MALRD1: variants seen among roughly 807,000 people sequenced by gnomAD.
The protein encoded by MALRD1 is MAM and LDL receptor class A domain containing 1.
A neutral mutation model predicts 242.1 loss-of-function variants in MALRD1; 247 were observed. The ratio of observed to expected loss-of-function variants is 1.02; its 90% confidence interval spans 0.92 to 1.13. The LOEUF is 1.13. MALRD1 is among the 50% of genes most tolerant of loss of function. The pLI, the probability that MALRD1 is intolerant of heterozygous loss-of-function variation, is 0.00. For synonymous variants in MALRD1, 995 were observed against 866.6 expected, an observed-to-expected ratio of 1.15 and a Z score of -2.60; for missense variants, 2,989 against 2,533.1, an observed-to-expected ratio of 1.18 and a Z score of -3.86.
At chr10:19,475,437 T>C (rs1183760445) in intron 29 of MALRD1, among the ~76,000 whole-genome samples, 1 of 152,082 alleles carries the variant, frequency 6.6e-6, no homozygotes, top group Non-Finnish European at 1.5e-5. Context: ...TAATAAACTT[T>C]CTTTAAATTT....
intron 5 of MALRD1, among the ~76,000 whole-genome samples, chr10:19,116,271 T>G (rs1293915697): frequency 6.6e-6 from 1 of 152,220 alleles, no homozygotes; most frequent in African/African-American, 2.4e-5. Flanking sequence ...AATCAGAATA[T>G]TTTGAATATT....
At chr10:19,296,552 A>G (rs1266762935) in intron 21 of MALRD1, among the ~76,000 whole-genome samples, 1 of 152,094 alleles carries the variant, frequency 6.6e-6, no homozygotes, top group Admixed American at 6.6e-5. Context: ...GGTTTTATCA[A>G]CTTTTCCTCA....
chr10:19,324,831 A>G (rs1026733332), intron 22 of MALRD1, among the ~76,000 whole-genome samples: 5 of 151,710 alleles, frequency 3.3e-5, no homozygotes, highest in Admixed American at 3.3e-4. Flanking sequence ...CTTTTTTCCT[A>G]TTATATAACC....
intron 18 of MALRD1, 69 bp from the exon 19 acceptor site, chr10:19,257,615 T>C: frequency 4.3e-6 from 5 of 1,172,292 alleles, no homozygotes; most frequent in Non-Finnish European, 6.0e-6. Context: ...TCTTCATCCA[T>C]TCCATAACTT....
rs1392893589 is a variant in MALRD1 at position 19,270,330 on chromosome 10, TCTCTCTCA to T, written c.3080-9715_3080-9708del. On this transcript the variant is annotated intron_variant, in intron 19 of 39. Coordinates refer to ENST00000454679, the MANE Select transcript of MALRD1 (RefSeq NM_001142308.3). ...TGTCTCTCTCTCTTCTCTCTCTCTC[TCTCTCTCA>T]CACACACACACACACACACACACAC... Among the ~76,000 whole-genome samples, 601 of 107,040 alleles carry T rather than the reference TCTCTCTCA, an allele frequency of 5.6e-3. 2 individuals are homozygous for T. The highest frequency in any genetic ancestry group is 0.019 in the South Asian group (54 of 2,884). 70.2% of individuals were successfully genotyped at this position (107,040 alleles called of 152,430 possible). A position where few individuals can be genotyped will look rare whatever the true frequency, so the allele number is the denominator to read the frequency against.
At chr10:19,105,899 T>G (rs1836445665) in intron 5 of MALRD1, among the ~76,000 whole-genome samples, 5 of 151,960 alleles carry the variant, frequency 3.3e-5, no homozygotes, top group Admixed American at 3.3e-4. Flanking sequence ...TTGAGTTTCT[T>G]ATATATTCTG....
At chr10:19,530,355 ATAT>A (rs1360088322) in intron 31 of MALRD1, among the ~76,000 whole-genome samples, 1 of 63,862 alleles carries the variant, frequency 1.6e-5, no homozygotes, top group Non-Finnish European at 2.9e-5. Flanking sequence ...TAAATATATA[ATAT>A]TTATATAAAT....
chr10:19,173,881 C>G (rs577389369), intron 13 of MALRD1, among the ~76,000 whole-genome samples: 1 of 152,022 alleles, frequency 6.6e-6, no homozygotes, highest in African/African-American at 2.4e-5. Context: ...ATGTATCATA[C>G]GAAGTGTAGG....
chr10:19,249,867 C>T (rs1839226749), intron 18 of MALRD1, among the ~76,000 whole-genome samples: 1 of 150,954 alleles, frequency 6.6e-6, no homozygotes, highest in Admixed American at 6.6e-5. Flanking sequence ...GAGTTTAAAT[C>T]GATCATTTTT....
chr10:19,491,636 G>A lies in MALRD1; in HGVS notation c.5149G>A (p.Ala1717Thr). 2 of 1,549,166 alleles carry A rather than the reference G, an allele frequency of 1.3e-6. No individual in the cohort carries two copies. Among genetic ancestry groups the A allele is most frequent in the African/African-American group, 1.4e-5 (1 of 73,136 alleles). Reference protein sequence around the residue: ...KPDCSDRSDEAHCAHYTSTTG... With the variant: ...KPDCSDRSDETHCAHYTSTTG... ...AGACTGCTCTGATAGGTCTGATGAA[G>A]CTCACTGTGGTAAGTTTATCTATCT... Residue 1717 changes from alanine to threonine, a missense_variant, in exon 30 of 40, where the codon GCT becomes ACT. Physicochemically the swap from Ala to Thr is moderately conservative, Grantham distance 58. Transcript: ENST00000454679.
intron 21 of MALRD1, among the ~76,000 whole-genome samples, chr10:19,287,769 T>C (rs1841198461): frequency 6.6e-6 from 1 of 152,154 alleles, no homozygotes; most frequent in South Asian, 2.1e-4. Flanking sequence ...ACAACTCACC[T>C]AACAATGCAT....
At chr10:19,555,744 G>A (rs1835691263) in intron 32 of MALRD1, among the ~76,000 whole-genome samples, 1 of 152,126 alleles carries the variant, frequency 6.6e-6, no homozygotes, top group Non-Finnish European at 1.5e-5. Context: ...CCCTTTGATA[G>A]ATTAATGTAC....
At position 19,401,456 on chromosome 10, in the gene MALRD1, C is replaced by T. The variant is rs180769401; in HGVS notation, c.4845+11847C>T. Among the ~76,000 whole-genome samples, 396 of 152,154 alleles carry T rather than the reference C, an allele frequency of 2.6e-3. 1 individual carries two copies. The highest frequency in any genetic ancestry group is 9.0e-3 in the African/African-American group (374 of 41,526). ...TAATAGGAAGTAATCGAATTGAAAA[C>T]TAATCCAAAACTGCTTTTTGAATGG... On this transcript the variant is annotated intron_variant, in intron 28 of 39. Coordinates refer to ENST00000454679, the MANE Select transcript of MALRD1 (RefSeq NM_001142308.3).
At chr10:19,595,532 A>G (rs1166396753) in intron 34 of MALRD1, 75 bp downstream of exon 34, 19 of 1,439,686 alleles carry the variant, frequency 1.3e-5, no homozygotes, top group Non-Finnish European at 1.8e-5. Flanking sequence ...CTCGACAGAT[A>G]AAATGAAGTT....
At chr10:19,060,769 T>C (rs972615852) in intron 1 of MALRD1, among the ~76,000 whole-genome samples, 1 of 152,232 alleles carries the variant, frequency 6.6e-6, no homozygotes, top group South Asian at 2.1e-4. Flanking sequence ...ACACTGTTTT[T>C]AAGATTTCAA....
At chr10:19,050,551 T>C (rs1314447846) in intron 1 of MALRD1, among the ~76,000 whole-genome samples, 2 of 152,214 alleles carry the variant, frequency 1.3e-5, no homozygotes, top group Non-Finnish European at 2.9e-5. Context: ...GAAGAACTTT[T>C]TTCTCTGTAG....
chr10:19,164,272 A>C (rs912495682), intron 12 of MALRD1, among the ~76,000 whole-genome samples: 1 of 152,094 alleles, frequency 6.6e-6, no homozygotes, highest in Non-Finnish European at 1.5e-5. Flanking sequence ...AAAATGAACA[A>C]TTTTTTTAAA....
chr10:19,732,108 G>A lies in MALRD1; in HGVS notation c.6390+1327G>A, dbSNP rs542234764. On this transcript the variant is annotated intron_variant, in intron 39 of 39. Coordinates refer to ENST00000454679, the MANE Select transcript of MALRD1 (RefSeq NM_001142308.3). ...AAAATGAATTTAGATGATTCGACAA[G>A]TAAATCAAGACAGAGTAAAAATGAA... is the stretch of plus-strand genomic sequence containing the variant. Among the ~76,000 whole-genome samples, 10 of 152,162 alleles carry A rather than the reference G, an allele frequency of 6.6e-5. No individual in the cohort carries two copies. The East Asian group carries it at 1.9e-3, about 29-fold the overall frequency.
chr10:19,589,894 G>T (rs888209300), intron 33 of MALRD1, among the ~76,000 whole-genome samples: 7 of 151,850 alleles, frequency 4.6e-5, no homozygotes, highest in African/African-American at 1.7e-4. Flanking sequence ...CTCTGAGCGT[G>T]TTTGGCTCTT....
Sources: gnomAD v4.1 joint callset for allele counts (sites outside exome capture counted in the v4.1 genomes callset) on GRCh38, gnomAD v4.1.1 for gene constraint, MANE v1.5 for transcripts, NCBI Gene and HGNC (gene_info 2026-07-23, HGNC 2026-07-21) for gene names.